The following TBC1D5 variants were observed in gnomAD, a reference collection of about 807,000 sequenced individuals.
The protein encoded by TBC1D5 is TBC1 domain family, member 5.
Under a neutral mutation model 100.3 loss-of-function variants are expected in TBC1D5, and 75 were observed. That is an observed-to-expected ratio of 0.75 (90% confidence interval 0.62 to 0.91). The LOEUF is 0.91. Ranked by LOEUF, TBC1D5 falls within the 40% of genes least tolerant of loss-of-function variation. The pLI is 0.00. For missense variants in TBC1D5, 910 were observed against 942.4 expected (o/e 0.97, Z 0.45); for synonymous variants, 323 against 325.6 (o/e 0.99, Z 0.09).
At chr3:17,536,311 A>G (rs2096280953) in intron 2 of TBC1D5, among the ~76,000 whole-genome samples, 1 of 152,240 alleles carries the variant, frequency 6.6e-6, no homozygotes, top group Admixed American at 6.5e-5. Flanking sequence ...GATGTATGTT[A>G]GTATAATCTA....
At chr3:17,570,257 C>T (rs1357778027) in intron 2 of TBC1D5, among the ~76,000 whole-genome samples, 1 of 151,942 alleles carries the variant, frequency 6.6e-6, no homozygotes, top group Non-Finnish European at 1.5e-5. Flanking sequence ...TGTATGGTTT[C>T]AGTATTATCA....
At chr3:17,429,512 T>G (rs2149378085) in intron 3 of TBC1D5, among the ~76,000 whole-genome samples, 1 of 152,024 alleles carries the variant, frequency 6.6e-6, no homozygotes, top group African/African-American at 2.4e-5. Flanking sequence ...ATTTACAGCT[T>G]AATATAACAA....
At chr3:17,662,708 G>A (rs774389313) in intron 1 of TBC1D5, among the ~76,000 whole-genome samples, 2 of 152,130 alleles carry the variant, frequency 1.3e-5, no homozygotes, top group African/African-American at 4.8e-5. Flanking sequence ...GTCCCAGAAG[G>A]CATCTGAGTG....
At chr3:17,692,646 A>AT (rs1245264960) in intron 1 of TBC1D5, among the ~76,000 whole-genome samples, 1 of 152,192 alleles carries the variant, frequency 6.6e-6, no homozygotes, top group Non-Finnish European at 1.5e-5. Flanking sequence ...ATGAAAATTA[A>AT]TTTTTTTAAA....
At chr3:17,306,188 AT>A (rs1292229255) in intron 14 of TBC1D5, among the ~76,000 whole-genome samples, 1 of 151,984 alleles carries the variant, frequency 6.6e-6, no homozygotes, top group Non-Finnish European at 1.5e-5. Context: ...CACCTGCACA[AT>A]TTTCTCTATT....
intron 1 of TBC1D5, among the ~76,000 whole-genome samples, chr3:17,672,152 A>C (rs2068014045): frequency 6.6e-6 from 1 of 152,244 alleles, no homozygotes; most frequent in African/African-American, 2.4e-5. Context: ...ATGTTTAAAT[A>C]TACTTTTAAA....
At chr3:17,728,037 A>G (rs2076262020) in intron 1 of TBC1D5, among the ~76,000 whole-genome samples, 2 of 152,220 alleles carry the variant, frequency 1.3e-5, no homozygotes, top group South Asian at 2.1e-4. Context: ...GGTGGAAAAT[A>G]TAACTATGTC....
chr3:17,267,322 G>C (rs994813712), intron 15 of TBC1D5, among the ~76,000 whole-genome samples: 1 of 151,672 alleles, frequency 6.6e-6, no homozygotes, highest in Admixed American at 6.6e-5. Context: ...ATGTCTTTTA[G>C]ATAACTGGTT....
At chr3:17,484,899 C>G (rs912751641) in intron 3 of TBC1D5, among the ~76,000 whole-genome samples, 3 of 151,942 alleles carry the variant, frequency 2.0e-5, no homozygotes, top group Non-Finnish European at 2.9e-5. Flanking sequence ...AATGAGGAAC[C>G]CACATTCACT....
Position 17,483,363 on chromosome 3 carries a change from C to T in TBC1D5, c.97+25111G>A, listed in dbSNP as rs556948954. On this transcript the variant is annotated intron_variant, in intron 3 of 21. Transcript: ENST00000253692. ...ACTAAATTTCTATTCCTAATTGCTT[C>T]CATAAATTTCTACAGAAGGTCTAAA... Among the ~76,000 whole-genome samples the T allele has an allele frequency of 1.2e-4, 18 of 152,188 alleles. No individual in the cohort carries two copies. In the South Asian group the frequency reaches 2.5e-3, roughly 21 times the overall value.
intron 2 of TBC1D5, among the ~76,000 whole-genome samples, chr3:17,510,519 G>C (rs1375679322): frequency 6.6e-6 from 1 of 151,984 alleles, no homozygotes; most frequent in African/African-American, 2.4e-5. Flanking sequence ...ATTTGCTTAT[G>C]TGTGCCAATC....
chr3:17,532,992 T>A (rs1313131131), intron 2 of TBC1D5, among the ~76,000 whole-genome samples: 12 of 140,896 alleles, frequency 8.5e-5, no homozygotes, highest in Admixed American at 2.1e-4. Flanking sequence ...ATAATAAAAT[T>A]AAAAAAAAAA....
At chr3:17,727,682 A>C (rs2076236833) in intron 1 of TBC1D5, among the ~76,000 whole-genome samples, 1 of 152,236 alleles carries the variant, frequency 6.6e-6, no homozygotes, top group South Asian at 2.1e-4. Context: ...AGCTAAGAGA[A>C]TAAACAAAGG....
chr3:17,565,681 C>T (rs1395847948), intron 2 of TBC1D5, among the ~76,000 whole-genome samples: 1 of 152,016 alleles, frequency 6.6e-6, no homozygotes, highest in African/African-American at 2.4e-5. Flanking sequence ...GAAATAATCT[C>T]CTCATTCCTT....
chr3:17,563,972 C>T (rs1034759627), intron 2 of TBC1D5, among the ~76,000 whole-genome samples: 20 of 152,082 alleles, frequency 1.3e-4, no homozygotes, highest in Middle Eastern at 3.4e-3. Context: ...TTAGTAGAGA[C>T]GGGGTTTCAC....
intron 13 of TBC1D5, chr3:17,337,747 G>T (rs901511521): frequency 1.3e-5 from 2 of 152,112 alleles, no homozygotes; most frequent in Non-Finnish European, 2.9e-5. Context: ...GCTCATGTGA[G>T]TTATTGGTTT....
At chr3:17,526,492 GA>G (rs2096137366) in intron 2 of TBC1D5, among the ~76,000 whole-genome samples, 1 of 152,082 alleles carries the variant, frequency 6.6e-6, no homozygotes. Context: ...GCTTGGCCCA[GA>G]ATCTACTACT....
chr3:17,653,815 G>C (rs1464927404), intron 1 of TBC1D5, among the ~76,000 whole-genome samples: 2 of 151,950 alleles, frequency 1.3e-5, no homozygotes, highest in African/African-American at 4.8e-5. Flanking sequence ...AAAAGAAAAA[G>C]GAAAGTAAGA....
intron 13 of TBC1D5, among the ~76,000 whole-genome samples, chr3:17,330,918 T>C (rs1300994047): frequency 2.0e-5 from 3 of 152,172 alleles, no homozygotes; most frequent in African/African-American, 4.8e-5. Flanking sequence ...ACTGATGTCC[T>C]TGTCCCCATC....
Sources: gnomAD v4.1 joint callset for allele counts (sites outside exome capture counted in the v4.1 genomes callset) on GRCh38, gnomAD v4.1.1 for gene constraint, MANE v1.5 for transcripts, NCBI Gene and HGNC (gene_info 2026-07-23, HGNC 2026-07-21) for gene names.